The following GTF2I variants were observed in gnomAD, a reference collection of about 807,000 sequenced individuals.
GTF2I encodes the protein general transcription factor IIi.
Under a neutral mutation model 67.6 loss-of-function variants are expected in GTF2I, and 12 were observed. That is an observed-to-expected ratio of 0.18 (90% CI 0.11 to 0.29). The LOEUF (loss-of-function observed/expected upper bound fraction) is 0.29, where lower values mean the gene tolerates loss of function less well. Ranked by LOEUF, GTF2I falls within the 10% of genes least tolerant of loss-of-function variation. The pLI is 1.00. For synonymous variants in GTF2I, 149 were observed against 197.0 expected (o/e 0.76, Z 2.04); for missense variants, 271 against 580.1 (o/e 0.47, Z 5.47).
At chr7:74,686,255 G>A (rs1393726999) in intron 1 of GTF2I, among the ~76,000 whole-genome samples, 1 of 152,168 alleles carries the variant, frequency 6.6e-6, no homozygotes, top group Non-Finnish European at 1.5e-5. Context: ...ACTTAGGTGT[G>A]AAAAGTTGGG....
intron 10 of GTF2I, chr7:74,716,670 A>T (rs1792299667): frequency 2.2e-6 from 1 of 457,094 alleles, no homozygotes. Flanking sequence ...ACTTAGGTCT[A>T]CTCTGTATTT....
At chr7:74,729,487 TA>T (rs1405495844) in intron 13 of GTF2I, among the ~76,000 whole-genome samples, 1 of 145,840 alleles carries the variant, frequency 6.9e-6, no homozygotes, top group African/African-American at 2.6e-5. Flanking sequence ...TTTTTATTAT[TA>T]TTTTTTTGAG....
At chr7:74,682,482 A>C (rs587615512) in intron 1 of GTF2I, among the ~76,000 whole-genome samples, 1 of 152,270 alleles carries the variant, frequency 6.6e-6, no homozygotes, top group Admixed American at 6.5e-5. Context: ...AGAGACTCAG[A>C]ATAGTCTGCA....
rs182401436 is a variant in GTF2I at position 74,718,725 on chromosome 7, G to C, written c.881-154G>C. ...CTTTTATCCCTATTTATAATGACAA[G>C]GGTCAAATTTTAATTTCATTAATAT... is the stretch of plus-strand genomic sequence containing the variant. On this transcript the variant is annotated intron_variant, in intron 11 of 34. Transcript: ENST00000573035. 2.8e-4 allele frequency among the ~76,000 whole-genome samples: 43 copies of C among 152,258 alleles called. No homozygotes were observed. The East Asian group carries it at 5.6e-3, about 20-fold the overall frequency.
chr7:74,700,137 T>C (rs1584187148), intron 4 of GTF2I, 110 bp from the exon 5 acceptor site: 1 of 1,090,672 alleles, frequency 9.2e-7, no homozygotes, highest in African/African-American at 1.6e-5. Flanking sequence ...TTTGAAATCA[T>C]ATATTATAAA....
At chr7:74,719,113 A>G (rs1792613333) in intron 12 of GTF2I, among the ~76,000 whole-genome samples, 172 bp downstream of exon 12, 1 of 152,200 alleles carries the variant, frequency 6.6e-6, no homozygotes, top group Non-Finnish European at 1.5e-5. Context: ...GGAGTTTTAG[A>G]TGACAGAATG....
intron 1 of GTF2I, among the ~76,000 whole-genome samples, chr7:74,686,547 T>TA (rs1435322395): frequency 6.6e-6 from 1 of 152,190 alleles, no homozygotes; most frequent in Non-Finnish European, 1.5e-5. Context: ...TATGAAGAAA[T>TA]ACTATGAATT....
In GTF2I at chr7:74,733,938, T is replaced by C. The variant is rs367969358; in HGVS notation, c.1320T>C (p.Asn440=). The stretch of plus-strand genomic sequence containing the variant: ...CACCTTTCAGACATGAGCTTCTGAA[T>C]TCAACACGTGAAGATTTACAGCTTG... The part of the protein sequence containing the change: ...RFVIKKHELL[N]STREDLQLDK... The change falls in exon 16 of 35, where the codon AAT becomes AAC. Residue 440 remains asparagine (N), a synonymous_variant. Coordinates refer to ENST00000573035, the MANE Select transcript of GTF2I (RefSeq NM_032999.4). The C allele has an allele frequency of 4.8e-5, 77 of 1,611,564 alleles. No homozygotes were observed. The highest frequency in any genetic ancestry group is 6.2e-5 in the Non-Finnish European group (73 of 1,179,762).
chr7:74,703,997 T>C (rs1472761186), intron 6 of GTF2I, among the ~76,000 whole-genome samples: 4 of 152,208 alleles, frequency 2.6e-5, no homozygotes, highest in African/African-American at 9.6e-5. Context: ...GATCATGTTG[T>C]GTGAGAATCA....
chr7:74,723,878 A>AG (rs1793434022), intron 12 of GTF2I, among the ~76,000 whole-genome samples: 1 of 151,356 alleles, frequency 6.6e-6, no homozygotes, highest in South Asian at 2.1e-4. Context: ...GAGAAGACCT[A>AG]GAGCAGTCAA....
At chr7:74,735,865 C>T (rs1369453345) in intron 17 of GTF2I, among the ~76,000 whole-genome samples, 1 of 33,056 alleles carries the variant, frequency 3.0e-5, no homozygotes, top group Non-Finnish European at 6.0e-5. Flanking sequence ...GATGGGGTTT[C>T]GCCATGTTGG....
intron 6 of GTF2I, among the ~76,000 whole-genome samples, 160 bp from the exon 7 acceptor site, chr7:74,705,004 G>A (rs782653786): frequency 3.4e-4 from 52 of 152,122 alleles, no homozygotes; most frequent in Non-Finnish European, 6.2e-4. Context: ...CATTCAAGGA[G>A]GTTGTGGTTG....
intron 10 of GTF2I, among the ~76,000 whole-genome samples, chr7:74,715,812 G>A (rs938511987): frequency 6.6e-6 from 1 of 152,054 alleles, no homozygotes. Flanking sequence ...AGATAATTGT[G>A]ACATGCTAAA....
intron 5 of GTF2I, 28 bp from the exon 6 acceptor site, chr7:74,700,578 A>C: frequency 6.2e-7 from 1 of 1,611,946 alleles, no homozygotes. Flanking sequence ...ATTCATACGA[A>C]GTTTTGTTTT....
intron 8 of GTF2I, among the ~76,000 whole-genome samples, chr7:74,706,904 G>T (rs182424030): frequency 5.9e-5 from 9 of 152,312 alleles, no homozygotes; most frequent in African/African-American, 1.9e-4. Context: ...AGACTGAAGT[G>T]CAGTGGCACG....
At chr7:74,722,325 A>G (rs1011216393) in intron 12 of GTF2I, among the ~76,000 whole-genome samples, 36 of 152,178 alleles carry the variant, frequency 2.4e-4, no homozygotes, top group Admixed American at 1.4e-3. Context: ...GCCTTGGACT[A>G]ATAGGACCGC....
intron 1 of GTF2I, among the ~76,000 whole-genome samples, chr7:74,680,926 G>A (rs1787219188): frequency 6.6e-6 from 1 of 152,176 alleles, no homozygotes; most frequent in Non-Finnish European, 1.5e-5. Context: ...TCTCCAACAG[G>A]AAACTCGAGG....
chr7:74,721,849 T>C (rs1437756864), intron 12 of GTF2I, among the ~76,000 whole-genome samples: 2 of 151,938 alleles, frequency 1.3e-5, no homozygotes, highest in African/African-American at 2.4e-5. Context: ...ATATAAAATG[T>C]TCAGTGGAAA....
At chr7:74,717,040 T>C in intron 11 of GTF2I, 90 bp downstream of exon 11, 1 of 1,498,554 alleles carries the variant, frequency 6.7e-7, no homozygotes, top group Non-Finnish European at 9.0e-7. Flanking sequence ...ACACCTTATT[T>C]GGAAATAAAA....
Sources: gnomAD v4.1 joint callset for allele counts (sites outside exome capture counted in the v4.1 genomes callset) on GRCh38, gnomAD v4.1.1 for gene constraint, MANE v1.5 for transcripts, NCBI Gene and HGNC (gene_info 2026-07-23, HGNC 2026-07-21) for gene names.